FOXP2: variants seen among roughly 807,000 people sequenced by gnomAD.
The protein encoded by FOXP2 is forkhead box protein P2.
FOXP2 carries 12 observed loss-of-function variants against 115.8 expected under a neutral mutation model. The observed-to-expected ratio is 0.10, with a 90% CI of 0.07 to 0.17. The LOEUF (loss-of-function observed/expected upper bound fraction) is 0.17, where lower values mean the gene tolerates loss of function less well. Ranked by LOEUF, FOXP2 falls within the 10% of genes least tolerant of loss-of-function variation. The pLI is 1.00. For missense variants in FOXP2, 629 were observed against 843.5 expected (o/e 0.75, Z 3.15); for synonymous variants, 328 against 297.7 (o/e 1.10, Z -1.05).
At chr7:114,346,515 G>A (rs549816567) in intron 2 of FOXP2, among the ~76,000 whole-genome samples, 22 of 151,770 alleles carry the variant, frequency 1.4e-4, no homozygotes, top group East Asian at 7.7e-4. Context: ...GATAGAATAC[G>A]GAATCAAACT....
At chr7:114,337,013 A>C (rs1797868750) in intron 2 of FOXP2, among the ~76,000 whole-genome samples, 2 of 151,544 alleles carry the variant, frequency 1.3e-5, no homozygotes, top group Admixed American at 6.6e-5. Context: ...ATACATAATA[A>C]GCATAAAAGC....
chr7:114,127,719 A>G (rs998644314), intron 1 of FOXP2, among the ~76,000 whole-genome samples: 2 of 152,176 alleles, frequency 1.3e-5, no homozygotes, highest in African/African-American at 4.8e-5. Context: ...TAAACTGCAT[A>G]GAGATCAGTA....
In FOXP2 at chr7:114,196,160, C is replaced by T. The variant is rs192013580; in HGVS notation, c.-102+33072C>T. On this transcript the variant is annotated intron_variant, in intron 1 of 17. Coordinates refer to the FOXP2 transcript ENST00000634411. ...CCCGAGTAGCTGGGACTAGGGCGCG[C>T]GTCACCACGCCCAGCTAATTTTTGT... Among the ~76,000 whole-genome samples, 1,022 of 152,060 alleles carry T rather than the reference C, an allele frequency of 6.7e-3. 2 individuals carry two copies. Among genetic ancestry groups the T allele is most frequent in the Non-Finnish European group, 9.4e-3 (636 of 67,976 alleles).
At chr7:114,161,040 AG>A (rs1308306168), upstream of FOXP2, among the ~76,000 whole-genome samples, 1 of 152,164 alleles carries the variant, frequency 6.6e-6, no homozygotes, top group Non-Finnish European at 1.5e-5. Context: ...CAATTCAAAA[AG>A]CTTCCCTAAA....
intron 1 of FOXP2, among the ~76,000 whole-genome samples, chr7:114,108,977 T>C (rs1029375460): frequency 6.6e-6 from 1 of 151,958 alleles, no homozygotes; most frequent in African/African-American, 2.4e-5. Context: ...CACAAGGTAA[T>C]TTCATAAAAC....
At chr7:114,135,886 ATAAT>A (rs1792024336) in intron 1 of FOXP2, among the ~76,000 whole-genome samples, 1 of 152,126 alleles carries the variant, frequency 6.6e-6, no homozygotes, top group Non-Finnish European at 1.5e-5. Flanking sequence ...GATAATTCTG[ATAAT>A]TAGAGAAGAG....
intron 1 of FOXP2, among the ~76,000 whole-genome samples, chr7:114,169,115 A>G (rs1793063234): frequency 6.6e-6 from 1 of 151,906 alleles, no homozygotes; most frequent in Non-Finnish European, 1.5e-5. Context: ...CAGAAGGGAA[A>G]TGTGGGGTCA....
At chr7:114,419,194 A>G (rs1394571298) in intron 1 of FOXP2, among the ~76,000 whole-genome samples, 1 of 149,766 alleles carries the variant, frequency 6.7e-6, no homozygotes, top group Non-Finnish European at 1.5e-5. Context: ...TTGATAATCT[A>G]TGTGTATTAA....
chr7:114,405,518 T>C (rs1793014583), intron 2 of FOXP2, among the ~76,000 whole-genome samples: 1 of 151,922 alleles, frequency 6.6e-6, no homozygotes, highest in Non-Finnish European at 1.5e-5. Context: ...ATAAATAGCC[T>C]GCAGCCAAAA....
chr7:114,693,588 G>T lies in FOXP2; in HGVS notation c.*3662G>T. 4.4e-6 allele frequency: 2 copies of T among 452,802 alleles called. No individual in the cohort carries two copies. Among genetic ancestry groups the T allele is most frequent in the Non-Finnish European group, 8.8e-6 (2 of 226,316 alleles). 28.0% of individuals were successfully genotyped at this position (452,802 alleles called of 1,614,324 possible). A position where few individuals can be genotyped will look rare whatever the true frequency, so the allele number is the denominator to read the frequency against. On this transcript the variant is annotated 3_prime_UTR_variant, in exon 17 of 17. Transcript: ENST00000350908. ...TCAGGTTGCAACGAAAGGTTTTTTT[G>T]TCCATGAACACTTGGCATATCTTAC...
intron 1 of FOXP2, among the ~76,000 whole-genome samples, chr7:114,182,872 T>C (rs1391706453): frequency 6.6e-6 from 1 of 152,084 alleles, no homozygotes; most frequent in Admixed American, 6.6e-5. Flanking sequence ...TAGGCCATCG[T>C]TGGCACTAAA....
At chr7:114,479,744 C>A (rs909757570) in intron 2 of FOXP2, among the ~76,000 whole-genome samples, 19 of 151,338 alleles carry the variant, frequency 1.3e-4, no homozygotes, top group African/African-American at 4.6e-4. Flanking sequence ...CCTGTTTTTT[C>A]AGAAATAAAT....
intron 3 of FOXP2, among the ~76,000 whole-genome samples, chr7:114,542,177 A>G (rs990189845): frequency 6.6e-6 from 1 of 151,716 alleles, no homozygotes; most frequent in African/African-American, 2.4e-5. Context: ...TTTCTCCTTT[A>G]CCATTTTATT....
chr7:114,102,317 T>C (rs1790990757), intron 1 of FOXP2, among the ~76,000 whole-genome samples: 1 of 151,984 alleles, frequency 6.6e-6, no homozygotes, highest in Admixed American at 6.6e-5. Context: ...CATTATTGAT[T>C]TTAGAATTTT....
chr7:114,430,204 C>T (rs1313764829), intron 2 of FOXP2, among the ~76,000 whole-genome samples: 1 of 151,610 alleles, frequency 6.6e-6, no homozygotes, highest in African/African-American at 2.4e-5. Flanking sequence ...ATTTTAACTT[C>T]CTATTTGATA....
intron 9 of FOXP2, 21 bp downstream of exon 9, chr7:114,652,311 A>T: frequency 6.2e-7 from 1 of 1,606,766 alleles, no homozygotes; most frequent in Non-Finnish European, 8.5e-7. Flanking sequence ...TGCTCACTTA[A>T]TGGACTCTTC....
chr7:114,242,014 C>T (rs1480585531), intron 1 of FOXP2, among the ~76,000 whole-genome samples: 2 of 148,736 alleles, frequency 1.3e-5, no homozygotes, highest in South Asian at 2.2e-4. Flanking sequence ...GCCTCTCCAG[C>T]ATTATCTAGT....
In FOXP2 at chr7:114,423,490, G is replaced by A. The variant is rs76100690; in HGVS notation, c.-10-3012G>A. 4.2e-3 allele frequency among the ~76,000 whole-genome samples: 642 copies of A among 151,668 alleles called. 4 individuals carry two copies. The highest frequency in any genetic ancestry group is 0.014 in the African/African-American group (595 of 41,444). On this transcript the variant is annotated intron_variant, in intron 1 of 16. Coordinates refer to ENST00000350908, the MANE Select transcript of FOXP2 (RefSeq NM_014491.4). The stretch of plus-strand genomic sequence containing the variant: ...CTGATGTGGCTGAAAAGTTGTGTAC[G>A]ATGAAAGACTTAAGGGTTTAACTTA...
At chr7:114,302,395 G>T (rs924349770) in intron 2 of FOXP2, among the ~76,000 whole-genome samples, 1 of 151,974 alleles carries the variant, frequency 6.6e-6, no homozygotes, top group South Asian at 2.1e-4. Flanking sequence ...GTTCCTAGTT[G>T]CTTCATACTT....
Sources: gnomAD v4.1 joint callset for allele counts (sites outside exome capture counted in the v4.1 genomes callset) on GRCh38, gnomAD v4.1.1 for gene constraint, MANE v1.5 for transcripts, NCBI Gene and HGNC (gene_info 2026-07-23, HGNC 2026-07-21) for gene names.